Variants in DMXL2 observed in about 807,000 individuals in gnomAD.
DMXL2 encodes the protein dmX-like protein 2.
DMXL2 carries 103 observed loss-of-function variants against 331.1 expected under a neutral mutation model. That is an observed-to-expected ratio of 0.31 (90% CI 0.27 to 0.37). The LOEUF is 0.37. Among genes scored for constraint, DMXL2 ranks in the 10% least tolerant of loss-of-function variants. DMXL2 has a pLI of 1.00. For synonymous variants in DMXL2, 1,281 were observed against 1,252.1 expected, an observed-to-expected ratio of 1.02 and a Z score of -0.49; for missense variants, 3,171 against 3,642.9, an observed-to-expected ratio of 0.87 and a Z score of 3.33.
At chr15:51,492,174 G>A (rs74668510) in intron 19 of DMXL2, among the ~76,000 whole-genome samples, 3,030 of 152,278 alleles carry the variant, frequency 0.02, 47 homozygotes, top group Middle Eastern at 0.034. Context: ...AATCCGGCCC[G>A]CCCAAGAGGA....
Position 51,464,665 on chromosome 15 carries a change from G to C in DMXL2, c.7808+10C>G, listed in dbSNP as rs1389621512. On this transcript the variant is annotated intron_variant, in intron 32 of 43. Coordinates refer to ENST00000560891, the MANE Select transcript of DMXL2 (RefSeq NM_001378457.1). ...TACGCTCTTTATCAGCATTATAAGAGCTTTCTTACTTGAATGGGGTATTTT... is the reference window on the plus strand; with the variant it reads ...TACGCTCTTTATCAGCATTATAAGACCTTTCTTACTTGAATGGGGTATTTT... 6.2e-7 allele frequency: 1 copy of C among 1,611,574 alleles called. No individual in the cohort carries two copies. Among genetic ancestry groups the C allele is most frequent in the Non-Finnish European group, 8.5e-7 (1 of 1,178,186 alleles).
intron 1 of DMXL2, among the ~76,000 whole-genome samples, chr15:51,618,652 CTG>C (rs771515390): frequency 1.4e-4 from 22 of 152,050 alleles, no homozygotes; most frequent in Admixed American, 2.6e-4. Flanking sequence ...CTAAGAGTGT[CTG>C]TTATTTAATG....
intron 13 of DMXL2, among the ~76,000 whole-genome samples, chr15:51,521,455 A>AGTAGTAGTAGTG (rs2047369825): frequency 6.8e-6 from 1 of 147,024 alleles, no homozygotes; most frequent in African/African-American, 2.6e-5. Context: ...TAGTAGTAGT[A>AGTAGTAGTAGTG]GTAGTAGTGG....
chr15:51,598,403 A>T (rs1409838127), intron 1 of DMXL2, among the ~76,000 whole-genome samples: 1 of 152,176 alleles, frequency 6.6e-6, no homozygotes, highest in Non-Finnish European at 1.5e-5. Flanking sequence ...AATGTCTTAT[A>T]TGACCACAGT....
intron 27 of DMXL2, 62 bp from the exon 28 acceptor site, chr15:51,474,654 T>C (rs2041414705): frequency 2.0e-6 from 3 of 1,498,462 alleles, no homozygotes; most frequent in South Asian, 1.3e-5. Context: ...GGAAAAAACA[T>C]CCAAATTTGC....
chr15:51,534,817 G>C (rs1466294968), intron 13 of DMXL2, among the ~76,000 whole-genome samples: 1 of 152,092 alleles, frequency 6.6e-6, no homozygotes, highest in Non-Finnish European at 1.5e-5. Flanking sequence ...CACTCATCAA[G>C]AATGAACCCA....
intron 34 of DMXL2, 166 bp from the exon 35 acceptor site, chr15:51,458,961 C>A (rs970805949): frequency 3.1e-6 from 2 of 638,024 alleles, no homozygotes; most frequent in Admixed American, 6.0e-5. Context: ...TGAAAACTAG[C>A]TTTGGAAAAT....
chr15:51,592,893 C>A (rs1166646083), intron 1 of DMXL2, among the ~76,000 whole-genome samples: 1 of 152,128 alleles, frequency 6.6e-6, no homozygotes, highest in Non-Finnish European at 1.5e-5. Context: ...CAGGCCTGCC[C>A]TAAAAGAGCT....
At chr15:51,544,499 C>T (rs1445656741) in intron 8 of DMXL2, among the ~76,000 whole-genome samples, 1 of 152,152 alleles carries the variant, frequency 6.6e-6, no homozygotes, top group African/African-American at 2.4e-5. Context: ...CACCCAGTTT[C>T]AGACGTTTCT....
chr15:51,552,297 G>A (rs2049271605), intron 6 of DMXL2, among the ~76,000 whole-genome samples: 1 of 152,140 alleles, frequency 6.6e-6, no homozygotes, highest in African/African-American at 2.4e-5. Context: ...TGGCTCCTGT[G>A]GGCAGACCAA....
intron 1 of DMXL2, among the ~76,000 whole-genome samples, chr15:51,587,493 T>C (rs1436616166): frequency 6.6e-6 from 1 of 152,260 alleles, no homozygotes; most frequent in African/African-American, 2.4e-5. Context: ...ACAAAGGACA[T>C]GAACTCATCA....
Position 51,527,190 on chromosome 15 carries a change from C to T in DMXL2, c.2436+8473G>A, listed in dbSNP as rs577554037. Among the ~76,000 whole-genome samples the T allele has an allele frequency of 4.2e-4, 64 of 151,894 alleles. No homozygotes were observed. The South Asian group carries it at 8.7e-3, about 21-fold the overall frequency. On this transcript the variant is annotated intron_variant, in intron 13 of 43. Coordinates refer to ENST00000560891, the MANE Select transcript of DMXL2 (RefSeq NM_001378457.1). ...TACAGTGGAGCTCCAATACGTCTGG[C>T]GGCAGAATTTCAGTGGAAACCTTAT...
chr15:51,555,383 A>G (rs984090007), intron 6 of DMXL2, among the ~76,000 whole-genome samples: 1 of 152,196 alleles, frequency 6.6e-6, no homozygotes, highest in Non-Finnish European at 1.5e-5. Flanking sequence ...TTAGGGAAGT[A>G]GAGATCAGGG....
intron 1 of DMXL2, among the ~76,000 whole-genome samples, chr15:51,610,142 C>G (rs1008342933): frequency 2.0e-5 from 3 of 152,014 alleles, no homozygotes; most frequent in African/African-American, 4.8e-5. Flanking sequence ...GCTAATAAAA[C>G]TATATTAATG....
intron 17 of DMXL2, among the ~76,000 whole-genome samples, chr15:51,501,205 AC>A (rs1294213853): frequency 6.6e-6 from 1 of 152,154 alleles, no homozygotes; most frequent in Non-Finnish European, 1.5e-5. Flanking sequence ...GTGAATGCAA[AC>A]CTGTCTTACG....
At chr15:51,525,223 C>T (rs905003947) in intron 13 of DMXL2, among the ~76,000 whole-genome samples, 1 of 151,892 alleles carries the variant, frequency 6.6e-6, no homozygotes, top group Non-Finnish European at 1.5e-5. Context: ...AGCCTCTGGG[C>T]CCTGAATAAC....
At chr15:51,597,945 G>A (rs551554479) in intron 1 of DMXL2, among the ~76,000 whole-genome samples, 4 of 152,192 alleles carry the variant, frequency 2.6e-5, no homozygotes, top group Non-Finnish European at 4.4e-5. Flanking sequence ...CTCTTGTGAC[G>A]CACCTGTTCA....
chr15:51,617,527 A>AT (rs1191524104), intron 1 of DMXL2, among the ~76,000 whole-genome samples: 1 of 152,204 alleles, frequency 6.6e-6, no homozygotes, highest in Non-Finnish European at 1.5e-5. Flanking sequence ...AATCTTGTAA[A>AT]TACAAGTGAG....
chr15:51,603,894 C>T (rs2053400289), intron 1 of DMXL2, among the ~76,000 whole-genome samples: 1 of 151,248 alleles, frequency 6.6e-6, no homozygotes, highest in Non-Finnish European at 1.5e-5. Context: ...GGACAAAATA[C>T]TTCCAAACTC....
Sources: gnomAD v4.1 joint callset for allele counts (sites outside exome capture counted in the v4.1 genomes callset) on GRCh38, gnomAD v4.1.1 for gene constraint, MANE v1.5 for transcripts, NCBI Gene and HGNC (gene_info 2026-07-23, HGNC 2026-07-21) for gene names.